Variants in MBP observed in about 807,000 individuals in gnomAD.
The protein encoded by MBP is Golli-MBP.
MBP carries 16 observed loss-of-function variants against 35.8 expected under a neutral mutation model. That is an observed-to-expected ratio of 0.45 (90% CI 0.30 to 0.68). MBP has a LOEUF of 0.68. Among genes scored for constraint, MBP ranks in the 30% least tolerant of loss-of-function variants. MBP has a pLI of 0.08. For missense variants in MBP, 380 were observed against 404.7 expected (o/e 0.94, Z 0.52); for synonymous variants, 143 against 159.6 (o/e 0.90, Z 0.78).
intron 3 of MBP, among the ~76,000 whole-genome samples, chr18:77,032,351 A>G (rs1048557867): frequency 6.6e-6 from 1 of 152,236 alleles, no homozygotes; most frequent in Non-Finnish European, 1.5e-5. Flanking sequence ...CTTCCCGCAG[A>G]GATTTCTTGA....
At chr18:77,053,517 C>A (rs1386786469) in intron 3 of MBP, among the ~76,000 whole-genome samples, 5 of 152,092 alleles carry the variant, frequency 3.3e-5, no homozygotes, top group African/African-American at 9.7e-5. Flanking sequence ...AGTGTGCACC[C>A]CACATGCTAT....
At chr18:76,984,648 G>T (rs1212359915) in intron 8 of MBP, 127 bp downstream of exon 8, 23 of 1,342,338 alleles carry the variant, frequency 1.7e-5, no homozygotes, top group Non-Finnish European at 2.3e-5. Flanking sequence ...ACGCCTGCTG[G>T]GACAGAGCAC....
At chr18:77,086,624 G>T (rs1437879482) in intron 2 of MBP, among the ~76,000 whole-genome samples, 2 of 152,188 alleles carry the variant, frequency 1.3e-5, no homozygotes, top group African/African-American at 2.4e-5. Context: ...AGTTATTCAT[G>T]AAACAATACT....
intron 2 of MBP, among the ~76,000 whole-genome samples, chr18:77,104,219 A>G (rs928771726): frequency 2.0e-5 from 3 of 152,246 alleles, no homozygotes; most frequent in Non-Finnish European, 4.4e-5. Flanking sequence ...CAGCCAAAGT[A>G]CAAGACACAT....
At chr18:76,999,935 C>T (rs908163803) in intron 4 of MBP, among the ~76,000 whole-genome samples, 5 of 152,082 alleles carry the variant, frequency 3.3e-5, no homozygotes, top group African/African-American at 4.8e-5. Context: ...TGATTAAAAG[C>T]GAGGAAGAGC....
In MBP at chr18:77,044,165, C is replaced by T. The variant is rs1973126656; in HGVS notation, c.139+22133G>A. Among the ~76,000 whole-genome samples the T allele has an allele frequency of 6.6e-6, 1 of 152,158 alleles. No homozygotes were observed. Among genetic ancestry groups the T allele is most frequent in the Admixed American group, 6.5e-5 (1 of 15,274 alleles). On this transcript the variant is annotated intron_variant, in intron 3 of 8. Transcript: ENST00000355994. This position sits in a 1 kb window ranked among gnomAD's most constrained non-coding sequence, Gnocchi z 4.4. The stretch of plus-strand genomic sequence containing the variant: ...AGAGGTCGAATGCACTCCCTGGTGA[C>T]TTACACATCTCACAAGTGCCCTCCA...
At chr18:76,993,420 C>G (rs975516094) in intron 4 of MBP, among the ~76,000 whole-genome samples, 3 of 152,062 alleles carry the variant, frequency 2.0e-5, no homozygotes, top group Admixed American at 6.6e-5. Flanking sequence ...GGCTTGGCGT[C>G]GTGTGCCTAT....
At chr18:77,071,598 C>T (rs979094936) in intron 2 of MBP, among the ~76,000 whole-genome samples, 1 of 152,178 alleles carries the variant, frequency 6.6e-6, no homozygotes, top group Non-Finnish European at 1.5e-5. Context: ...TCCTTGGACA[C>T]TTGAAGCCTT....
At position 77,103,914 on chromosome 18, in the gene MBP, C is replaced by T. The variant is rs531753277; in HGVS notation, c.51+1297G>A. On this transcript the variant is annotated intron_variant, in intron 2 of 8. Coordinates refer to ENST00000355994, the MANE Select transcript of MBP (RefSeq NM_001025101.2). ...AGGAAGCTGATGCCTTCAAATAAGG[C>T]GGACAATGGCAAATGCCGTGCTAGA... 7.2e-5 allele frequency among the ~76,000 whole-genome samples: 11 copies of T among 152,364 alleles called. No homozygotes were observed. The East Asian group carries it at 9.6e-4, about 13-fold the overall frequency.
At chr18:77,085,841 C>T (rs1249108678) in intron 2 of MBP, among the ~76,000 whole-genome samples, 2 of 151,998 alleles carry the variant, frequency 1.3e-5, no homozygotes, top group African/African-American at 4.8e-5. Context: ...TCCACCACCA[C>T]GCCGGCTAAT....
At chr18:77,060,445 C>G (rs1316780276) in intron 3 of MBP, among the ~76,000 whole-genome samples, 1 of 106,910 alleles carries the variant, frequency 9.4e-6, no homozygotes, top group African/African-American at 6.3e-5. Context: ...TTCTCTCTCT[C>G]TCCTTTTTTT....
At chr18:77,109,606 A>G (rs1377418541) in intron 1 of MBP, 1 of 152,254 alleles carries the variant, frequency 6.6e-6, no homozygotes, top group Non-Finnish European at 1.5e-5. Context: ...GAAGACCTCA[A>G]TGCCAGTCTT....
At chr18:77,106,450 C>G (rs1013852560) in intron 1 of MBP, among the ~76,000 whole-genome samples, 1 of 152,138 alleles carries the variant, frequency 6.6e-6, no homozygotes, top group African/African-American at 2.4e-5. Context: ...CAAACGCCTA[C>G]AGCACAGTCG....
intron 2 of MBP, among the ~76,000 whole-genome samples, chr18:77,099,714 G>T (rs1000092352): frequency 6.6e-6 from 1 of 152,246 alleles, no homozygotes; most frequent in Non-Finnish European, 1.5e-5. Context: ...AGGGTCCTAA[G>T]TATGGGGAGG....
At chr18:77,122,987 A>T (rs8089193) in intron 1 of MBP, among the ~76,000 whole-genome samples, 6,273 of 152,320 alleles carry the variant, frequency 0.041, 321 homozygotes, top group African/African-American at 0.11. Flanking sequence ...ATATTTTGCC[A>T]TGGGAAAATT....
intron 4 of MBP, among the ~76,000 whole-genome samples, chr18:76,999,936 G>A (rs1258093650): frequency 6.6e-6 from 1 of 152,178 alleles, no homozygotes; most frequent in African/African-American, 2.4e-5. Flanking sequence ...GATTAAAAGC[G>A]AGGAAGAGCT....
intron 3 of MBP, among the ~76,000 whole-genome samples, chr18:77,031,961 C>T (rs1457535326): frequency 2.0e-5 from 3 of 152,336 alleles, no homozygotes; most frequent in African/African-American, 2.4e-5. Flanking sequence ...TGTGAAGAGT[C>T]GGACAGAAAC....
chr18:77,043,647 T>C (rs1599130493), intron 3 of MBP, among the ~76,000 whole-genome samples: 1 of 152,184 alleles, frequency 6.6e-6, no homozygotes, highest in African/African-American at 2.4e-5. Flanking sequence ...TGAAATGTCA[T>C]CCCTAGAAAT....
At chr18:76,997,815 T>G (rs546698264) in intron 4 of MBP, among the ~76,000 whole-genome samples, 6 of 151,296 alleles carry the variant, frequency 4.0e-5, no homozygotes, top group Non-Finnish European at 7.4e-5. Context: ...CCCGAGTAGC[T>G]GGGACTAGAG....
Sources: gnomAD v4.1 joint callset for allele counts (sites outside exome capture counted in the v4.1 genomes callset) on GRCh38, gnomAD v4.1.1 for gene constraint, Gnocchi (gnomAD v3.1) non-coding constraint, MANE v1.5 for transcripts, NCBI Gene and HGNC (gene_info 2026-07-23, HGNC 2026-07-21) for gene names.